The following SCFD2 variants were observed in gnomAD, a reference collection of about 807,000 sequenced individuals.
SCFD2 encodes sec1 family domain containing 2.
In SCFD2, 54 loss-of-function variants were observed where a neutral mutation model predicts 58.9. The observed-to-expected ratio is 0.92, with a 90% confidence interval of 0.74 to 1.15. The LOEUF (loss-of-function observed/expected upper bound fraction) is 1.15. SCFD2 is among the 50% of genes most tolerant of loss of function. The pLI, the probability that SCFD2 is intolerant of heterozygous loss-of-function variation, is 0.00. For missense variants in SCFD2, 805 were observed against 836.6 expected, an observed-to-expected ratio of 0.96 and a Z score of 0.47; for synonymous variants, 321 against 335.9, an observed-to-expected ratio of 0.96 and a Z score of 0.49.
intron 5 of SCFD2, among the ~76,000 whole-genome samples, chr4:53,089,417 A>G (rs1395125171): frequency 6.6e-6 from 1 of 150,704 alleles, no homozygotes; most frequent in African/African-American, 2.4e-5. Context: ...ACTGTTTTGA[A>G]CCACAAAATT....
At chr4:53,328,847 C>A (rs1341644779) in intron 2 of SCFD2, among the ~76,000 whole-genome samples, 1 of 152,210 alleles carries the variant, frequency 6.6e-6, no homozygotes, top group African/African-American at 2.4e-5. Context: ...GTTCATCTCA[C>A]TAGGGAGTGC....
rs1437779041 is a variant in SCFD2, at chr4:52,951,153, T to G, written c.1562-30283A>C. 2.6e-5 allele frequency: 4 copies of G among 152,256 alleles called. No individual in the cohort carries two copies. The East Asian group carries it at 7.7e-4, about 29-fold the overall frequency. The allele number at this position is 152,256 out of a possible 1,614,324, so 9.4% of individuals were successfully genotyped here. A position where few individuals can be genotyped will look rare whatever the true frequency, so the allele number is the denominator to read the frequency against. ...ACTCTAAGAGGTGGCTTTGATTGAT[T>G]GATTCATTCATTCATTAATTCTCTC... is the stretch of plus-strand genomic sequence containing the variant. On this transcript the variant is annotated intron_variant, in intron 5 of 8. Transcript: ENST00000401642.
chr4:53,190,786 G>C (rs1487575301), intron 4 of SCFD2, among the ~76,000 whole-genome samples: 1 of 150,454 alleles, frequency 6.6e-6, no homozygotes, highest in Non-Finnish European at 1.5e-5. Flanking sequence ...AAATCATGAA[G>C]TGCTCTGATT....
intron 5 of SCFD2, among the ~76,000 whole-genome samples, chr4:53,045,303 C>T (rs887978702): frequency 6.6e-6 from 1 of 152,096 alleles, no homozygotes; most frequent in Non-Finnish European, 1.5e-5. Flanking sequence ...TAGTATTCAA[C>T]AAAATATAGT....
At chr4:53,188,418 G>GAT (rs1335858806) in intron 4 of SCFD2, among the ~76,000 whole-genome samples, 16 of 143,458 alleles carry the variant, frequency 1.1e-4, no homozygotes, top group Non-Finnish European at 2.0e-4. Flanking sequence ...CTTCAAAACT[G>GAT]GTGTGTGTGT....
intron 4 of SCFD2, among the ~76,000 whole-genome samples, chr4:53,219,847 T>C (rs1560393168): frequency 6.6e-6 from 1 of 152,100 alleles, no homozygotes; most frequent in Non-Finnish European, 1.5e-5. Flanking sequence ...AAAATATAAA[T>C]GACAATAATA....
chr4:52,945,028 T>C (rs1346420407), intron 5 of SCFD2, among the ~76,000 whole-genome samples: 1 of 152,206 alleles, frequency 6.6e-6, no homozygotes, highest in Non-Finnish European at 1.5e-5. Flanking sequence ...CTAAGACATA[T>C]TAAGTGGAAG....
intron 2 of SCFD2, among the ~76,000 whole-genome samples, chr4:53,332,545 C>CTG (rs1733516918): frequency 6.6e-6 from 1 of 152,182 alleles, no homozygotes; most frequent in Non-Finnish European, 1.5e-5. Context: ...CAAAATTCAA[C>CTG]AACCCTTAAT....
intron 8 of SCFD2, among the ~76,000 whole-genome samples, chr4:52,876,251 A>T (rs1718471315): frequency 6.6e-6 from 1 of 152,212 alleles, no homozygotes; most frequent in South Asian, 2.1e-4. Flanking sequence ...ATTACATAAG[A>T]TCGTGTATGT....
chr4:53,124,733 A>T (rs942073427), intron 5 of SCFD2, among the ~76,000 whole-genome samples: 3 of 152,190 alleles, frequency 2.0e-5, no homozygotes, highest in African/African-American at 7.2e-5. Flanking sequence ...GCCTCCATTG[A>T]GTTTAAACCA....
chr4:52,932,115 G>A (rs558189086), intron 5 of SCFD2, among the ~76,000 whole-genome samples: 2 of 152,262 alleles, frequency 1.3e-5, no homozygotes, highest in African/African-American at 4.8e-5. Flanking sequence ...AAAAAATAGT[G>A]CCAAAGGCCC....
chr4:53,141,612 G>A (rs770020193), intron 5 of SCFD2, among the ~76,000 whole-genome samples: 3 of 150,856 alleles, frequency 2.0e-5, no homozygotes, highest in African/African-American at 4.9e-5. Context: ...CAAAGTCAAT[G>A]TTGTGATAAT....
At chr4:53,091,942 C>G (rs1166539117) in intron 5 of SCFD2, among the ~76,000 whole-genome samples, 1 of 152,066 alleles carries the variant, frequency 6.6e-6, no homozygotes, top group African/African-American at 2.4e-5. Flanking sequence ...GATTCAATTA[C>G]TAAACACTTA....
chr4:53,356,758 A>T (rs1249799097), intron 1 of SCFD2, among the ~76,000 whole-genome samples: 1 of 123,552 alleles, frequency 8.1e-6, no homozygotes, highest in Non-Finnish European at 1.7e-5. Context: ...TTTTGTTGAG[A>T]CATAGTCTTG....
At chr4:53,299,517 C>G (rs557687457) in intron 3 of SCFD2, among the ~76,000 whole-genome samples, 2 of 152,276 alleles carry the variant, frequency 1.3e-5, no homozygotes, top group East Asian at 1.9e-4. Flanking sequence ...AGTTGGAAAA[C>G]ACTCTGCAGG....
intron 4 of SCFD2, among the ~76,000 whole-genome samples, chr4:53,192,307 C>G (rs920760434): frequency 1.3e-5 from 2 of 152,130 alleles, no homozygotes; most frequent in Non-Finnish European, 2.9e-5. Context: ...TAGTCTAGTA[C>G]CTTTCCTTAT....
chr4:53,026,959 C>T (rs1722489801), intron 5 of SCFD2, among the ~76,000 whole-genome samples: 1 of 152,178 alleles, frequency 6.6e-6, no homozygotes, highest in African/African-American at 2.4e-5. Flanking sequence ...GATATGTGTA[C>T]AAATTACTGT....
At position 53,353,038 on chromosome 4, in the gene SCFD2, G is replaced by A. The variant is rs113020506; in HGVS notation, c.839-272C>T. Among the ~76,000 whole-genome samples, 1,011 of 152,276 alleles carry A rather than the reference G, an allele frequency of 6.6e-3. 12 individuals are homozygous for A. Among genetic ancestry groups the A allele is most frequent in the African/African-American group, 0.023 (976 of 41,556 alleles). ...CTAGCACCTAGCGTGTCTGGAATTG[G>A]TGAGTTCTTGGTCTTGCTGACTTCA... On this transcript the variant is annotated intron_variant, in intron 1 of 8. Coordinates refer to ENST00000401642, the MANE Select transcript of SCFD2 (RefSeq NM_152540.4).
chr4:53,216,063 G>C (rs1234265196), intron 4 of SCFD2, among the ~76,000 whole-genome samples: 1 of 152,122 alleles, frequency 6.6e-6, no homozygotes, highest in East Asian at 1.9e-4. Context: ...TGTTATTGAG[G>C]ATTTTTGCAT....
Sources: gnomAD v4.1 joint callset for allele counts (sites outside exome capture counted in the v4.1 genomes callset) on GRCh38, gnomAD v4.1.1 for gene constraint, MANE v1.5 for transcripts, NCBI Gene and HGNC (gene_info 2026-07-23, HGNC 2026-07-21) for gene names.